GALNT18: variants seen among roughly 807,000 people sequenced by gnomAD.
The protein encoded by GALNT18 is GalNAc-transferase 18.
In GALNT18, 44 loss-of-function variants were observed where a neutral mutation model predicts 69.5. That is an observed-to-expected ratio of 0.63 (90% CI 0.50 to 0.81). The LOEUF (loss-of-function observed/expected upper bound fraction) is 0.81, where lower values mean the gene tolerates loss of function less well. GALNT18 is among the 40% of genes least tolerant of loss of function. GALNT18 has a pLI of 0.00. For missense variants in GALNT18, 715 were observed against 810.0 expected, an observed-to-expected ratio of 0.88 and a Z score of 1.42; for synonymous variants, 364 against 318.2, an observed-to-expected ratio of 1.14 and a Z score of -1.53.
rs1439031353 is a variant in GALNT18, at chr11:11,563,725, C to T, written c.235+57634G>A. Reference sequence around the variant, plus strand: ...AACGCCAAGTCTAACACTCTCTCCTCCCAGCCCTGCCTCCCTAGCACCACA... The same window carrying T: ...AACGCCAAGTCTAACACTCTCTCCTTCCAGCCCTGCCTCCCTAGCACCACA... On this transcript the variant is annotated intron_variant, in intron 1 of 10. Transcript: ENST00000227756. This position sits in a 1 kb window ranked among gnomAD's most constrained non-coding sequence, Gnocchi z 4.6. Among the ~76,000 whole-genome samples, 2 of 152,198 alleles carry T rather than the reference C, an allele frequency of 1.3e-5. No individual in the cohort carries two copies. Among genetic ancestry groups the T allele is most frequent in the African/African-American group, 4.8e-5 (2 of 41,454 alleles).
rs1565003233 is a variant in GALNT18, at chr11:11,543,022, T to G, written c.235+78337A>C. 6.6e-6 allele frequency among the ~76,000 whole-genome samples: 1 copy of G among 152,204 alleles called. No individual in the cohort carries two copies. The highest frequency in any genetic ancestry group is 2.4e-5 in the African/African-American group (1 of 41,452). ...GAAAGAGTGAATGATATGACCTTCC[T>G]CAAGGTTGTTTCAGGCACTAAATGC... On this transcript the variant is annotated intron_variant, in intron 1 of 10. Coordinates refer to ENST00000227756, the MANE Select transcript of GALNT18 (RefSeq NM_198516.3). The surrounding 1 kb of genome is among the most constrained non-coding windows in gnomAD (Gnocchi z 5.1).
In GALNT18 at chr11:11,432,910, C is replaced by A. The variant is rs189824159; in HGVS notation, c.429-123G>T. 1.1e-6 allele frequency: 1 copy of A among 893,736 alleles called. No individual in the cohort carries two copies. Among genetic ancestry groups the A allele is most frequent in the Non-Finnish European group, 1.7e-6 (1 of 597,344 alleles). 55.4% of individuals were successfully genotyped at this position (893,736 alleles called of 1,614,324 possible). ...TCGGGAGTCCAGATTCTTCCAAGGG[C>A]CCCTTCTTTGATGCACTTAAGATGA... On this transcript the variant is annotated intron_variant, in intron 2 of 10. Coordinates refer to ENST00000227756, the MANE Select transcript of GALNT18 (RefSeq NM_198516.3). The surrounding 1 kb of genome is among the most constrained non-coding windows in gnomAD (Gnocchi z 5.8).
Position 11,617,306 on chromosome 11 carries a change from T to G in GALNT18, c.235+4053A>C, listed in dbSNP as rs1313729680. On this transcript the variant is annotated intron_variant, in intron 1 of 10. Transcript: ENST00000227756. This position sits in a 1 kb window ranked among gnomAD's most constrained non-coding sequence, Gnocchi z 4.7. ...ACCACGTTGACTAAAAGGGATTCTT[T>G]GTCCTTTGAAAACAAGTCCGCTATG... Among the ~76,000 whole-genome samples the G allele has an allele frequency of 6.6e-6, 1 of 152,384 alleles. No individual in the cohort carries two copies. Among genetic ancestry groups the G allele is most frequent in the East Asian group, 1.9e-4 (1 of 5,188 alleles).
chr11:11,436,141 C>G lies in GALNT18; in HGVS notation c.429-3354G>C, dbSNP rs760789394. ...TATGGGGGGATCGTTTTTGGGAAAG[C>G]GTTTGAAGGGGATGAAGTCACCCAG... On this transcript the variant is annotated intron_variant, in intron 2 of 10. Transcript: ENST00000227756. This position sits in a 1 kb window ranked among gnomAD's most constrained non-coding sequence, Gnocchi z 4.5. 6.6e-6 allele frequency among the ~76,000 whole-genome samples: 1 copy of G among 152,168 alleles called. No individual in the cohort carries two copies. The highest frequency in any genetic ancestry group is 1.5e-5 in the Non-Finnish European group (1 of 68,038).
rs575614864 is a variant in GALNT18, at chr11:11,404,546, G to A, written c.596-25282C>T. On this transcript the variant is annotated intron_variant, in intron 3 of 10. Coordinates refer to ENST00000227756, the MANE Select transcript of GALNT18 (RefSeq NM_198516.3). This position sits in a 1 kb window ranked among gnomAD's most constrained non-coding sequence, Gnocchi z 4.5. ...ATGTTATAGAAGTAAGGAGAGTCAC[G>A]TGGGAGGAAAATGTCTGAGTGTATC... is the stretch of plus-strand genomic sequence containing the variant. Among the ~76,000 whole-genome samples, 25 of 152,236 alleles carry A rather than the reference G, an allele frequency of 1.6e-4. No individual in the cohort carries two copies. The highest frequency in any genetic ancestry group is 6.0e-4 in the African/African-American group (25 of 41,550).
chr11:11,577,768 G>C (rs1207745377), intron 1 of GALNT18, among the ~76,000 whole-genome samples: 1 of 152,216 alleles, frequency 6.6e-6, no homozygotes, highest in African/African-American at 2.4e-5. Context: ...GAGGGAGAGA[G>C]CATCTTCATT....
chr11:11,331,971 T>C (rs1850024087), intron 8 of GALNT18, among the ~76,000 whole-genome samples: 1 of 151,946 alleles, frequency 6.6e-6, no homozygotes, highest in Non-Finnish European at 1.5e-5. Flanking sequence ...AGACAGAAAA[T>C]ACATTTTCTG....
Position 11,332,932 on chromosome 11 carries a change from G to C in GALNT18, c.1279-101C>G. ...CCTTGTGCCCCCAACAAGATTCCTA[G>C]AGACTGGGGAAGGGACCATGTGGCA... On this transcript the variant is annotated intron_variant, in intron 7 of 10. Transcript: ENST00000227756. This position sits in a 1 kb window ranked among gnomAD's most constrained non-coding sequence, Gnocchi z 4.3. 1 of 1,334,928 alleles carries C rather than the reference G, an allele frequency of 7.5e-7. No homozygotes were observed. The highest frequency in any genetic ancestry group is 1.1e-6 in the Non-Finnish European group (1 of 950,816). 82.7% of individuals were successfully genotyped at this position (1,334,928 alleles called of 1,614,324 possible).
intron 1 of GALNT18, among the ~76,000 whole-genome samples, chr11:11,544,111 C>T (rs1857989027): frequency 1.3e-5 from 2 of 152,216 alleles, no homozygotes; most frequent in South Asian, 4.1e-4. Context: ...CTAGCCAGGA[C>T]CCCTGGATGC....
chr11:11,289,741 G>A (rs1317473367), intron 10 of GALNT18, among the ~76,000 whole-genome samples: 1 of 152,182 alleles, frequency 6.6e-6, no homozygotes, highest in African/African-American at 2.4e-5. Flanking sequence ...GCTGGAAAGA[G>A]GGTAGAAGTG....
Position 11,340,783 on chromosome 11 carries a change from A to G in GALNT18, c.1278+36T>C. 25 of 1,560,264 alleles carry G rather than the reference A, an allele frequency of 1.6e-5. No individual in the cohort carries two copies. Among genetic ancestry groups the G allele is most frequent in the Non-Finnish European group, 2.1e-5 (24 of 1,149,162 alleles). On this transcript the variant is annotated intron_variant, in intron 7 of 10. Transcript: ENST00000227756. This position sits in a 1 kb window ranked among gnomAD's most constrained non-coding sequence, Gnocchi z 4.2. ...ATCTTGTTTTGTTTGTTTTCCACCA[A>G]TCCCCGAGAAACTCATCCCTACCGG...
intron 6 of GALNT18, chr11:11,352,796 G>T (rs776356235): frequency 6.2e-7 from 1 of 1,614,014 alleles, no homozygotes. Flanking sequence ...CCAAGGCGGG[G>T]GTTCGTGACA....
intron 5 of GALNT18, among the ~76,000 whole-genome samples, chr11:11,376,586 A>T (rs905453779): frequency 6.6e-6 from 1 of 152,124 alleles, no homozygotes; most frequent in African/African-American, 2.4e-5. Context: ...CTCAAATATC[A>T]TCAAGGTATA....
Position 11,496,827 on chromosome 11 carries a change from A to T in GALNT18, c.236-47891T>A, listed in dbSNP as rs1262783373. 6.6e-6 allele frequency among the ~76,000 whole-genome samples: 1 copy of T among 151,590 alleles called. No individual in the cohort carries two copies. Among genetic ancestry groups the T allele is most frequent in the Non-Finnish European group, 1.5e-5 (1 of 67,904 alleles). Reference sequence around the variant, plus strand: ...CCAATGGCCTCCCACCTAATCAACCACTTCTACGCCAGTTCCCTCACCCCC... The same window carrying T: ...CCAATGGCCTCCCACCTAATCAACCTCTTCTACGCCAGTTCCCTCACCCCC... On this transcript the variant is annotated intron_variant, in intron 1 of 10. Coordinates refer to ENST00000227756, the MANE Select transcript of GALNT18 (RefSeq NM_198516.3). The surrounding 1 kb of genome is among the most constrained non-coding windows in gnomAD (Gnocchi z 4.0).
chr11:11,522,428 G>T (rs368229284), intron 1 of GALNT18, among the ~76,000 whole-genome samples: 1 of 152,166 alleles, frequency 6.6e-6, no homozygotes, highest in Non-Finnish European at 1.5e-5. Flanking sequence ...GGATGAGAGT[G>T]TCCCTTGATT....
At chr11:11,373,934 A>G (rs1050977328) in intron 5 of GALNT18, among the ~76,000 whole-genome samples, 2 of 152,246 alleles carry the variant, frequency 1.3e-5, no homozygotes, top group Admixed American at 1.3e-4. Flanking sequence ...CTGTCGGTCC[A>G]TCACATGCAA....
chr11:11,377,670 G>GAA lies in GALNT18; in HGVS notation c.780-293_780-292dup, dbSNP rs10700486. Among the ~76,000 whole-genome samples, 16,157 of 146,252 alleles carry GAA rather than the reference G, an allele frequency of 0.11. 1,101 individuals are homozygous for GAA. The highest frequency in any genetic ancestry group is 0.17 in the African/African-American group (6,778 of 39,698). ...CTGCTCGCTTTCCCTTTCTCCATTA[G>GAA]AAAAAAAAAAAATCAAGACTCAAAA... is the stretch of plus-strand genomic sequence containing the variant. On this transcript the variant is annotated intron_variant, in intron 4 of 10. Coordinates refer to ENST00000227756, the MANE Select transcript of GALNT18 (RefSeq NM_198516.3). This position sits in a 1 kb window ranked among gnomAD's most constrained non-coding sequence, Gnocchi z 4.6.
In GALNT18 at chr11:11,404,120, C is replaced by T. The variant is rs1450734912; in HGVS notation, c.596-24856G>A. ...TTGCTGGCAGCAGGAGGAGAGCATT[C>T]CCATGTCTCATGGGCTCCCCATGAA... On this transcript the variant is annotated intron_variant, in intron 3 of 10. Transcript: ENST00000227756. This position sits in a 1 kb window ranked among gnomAD's most constrained non-coding sequence, Gnocchi z 4.5. Among the ~76,000 whole-genome samples, 1 of 152,200 alleles carries T rather than the reference C, an allele frequency of 6.6e-6. No homozygotes were observed. Among genetic ancestry groups the T allele is most frequent in the Non-Finnish European group, 1.5e-5 (1 of 68,036 alleles).
In GALNT18 at chr11:11,436,241, G is replaced by A. The variant is rs1383115917; in HGVS notation, c.429-3454C>T. Among the ~76,000 whole-genome samples, 1 of 152,178 alleles carries A rather than the reference G, an allele frequency of 6.6e-6. No homozygotes were observed. Among genetic ancestry groups the A allele is most frequent in the African/African-American group, 2.4e-5 (1 of 41,428 alleles). ...ACCTTCCCTCTCTGCTCTATGTCTT[G>A]GTCACAGAATAAGGAAATGGGAAGA... On this transcript the variant is annotated intron_variant, in intron 2 of 10. Transcript: ENST00000227756. The surrounding 1 kb of genome is among the most constrained non-coding windows in gnomAD (Gnocchi z 4.5).
Sources: gnomAD v4.1 joint callset for allele counts (sites outside exome capture counted in the v4.1 genomes callset) on GRCh38, gnomAD v4.1.1 for gene constraint, Gnocchi (gnomAD v3.1) non-coding constraint, MANE v1.5 for transcripts, NCBI Gene and HGNC (gene_info 2026-07-23, HGNC 2026-07-21) for gene names.